Variants in TTLL11 observed in about 807,000 individuals in gnomAD.
TTLL11 encodes the protein tubulin polyglutamylase TTLL11.
TTLL11 carries 42 observed loss-of-function variants against 51.7 expected under a neutral mutation model. The observed-to-expected ratio is 0.81, with a 90% CI of 0.64 to 1.05. TTLL11 has a LOEUF of 1.05. Ranked by LOEUF, TTLL11 falls within the 50% of genes least tolerant of loss-of-function variation. TTLL11 has a pLI of 0.00. For missense variants in TTLL11, 799 were observed against 940.4 expected, an observed-to-expected ratio of 0.85 and a Z score of 1.97; for synonymous variants, 381 against 383.5, an observed-to-expected ratio of 0.99 and a Z score of 0.08.
chr9:121,913,963 A>G (rs1007734769), intron 6 of TTLL11, among the ~76,000 whole-genome samples: 2 of 152,090 alleles, frequency 1.3e-5, no homozygotes, highest in African/African-American at 4.8e-5. Flanking sequence ...GCCCTTTATC[A>G]CTATCTCGTT....
At chr9:122,016,467 C>T (rs1476254123) in intron 3 of TTLL11, among the ~76,000 whole-genome samples, 4 of 152,140 alleles carry the variant, frequency 2.6e-5, no homozygotes, top group African/African-American at 9.7e-5. Flanking sequence ...ATAGATTTAC[C>T]GGAAGGTTAT....
At chr9:121,937,851 C>T (rs1841292892) in intron 6 of TTLL11, among the ~76,000 whole-genome samples, 1 of 151,196 alleles carries the variant, frequency 6.6e-6, no homozygotes, top group South Asian at 2.1e-4. Flanking sequence ...GGAAATAAAC[C>T]CAGTAAAGCA....
At position 122,092,765 on chromosome 9, in the gene TTLL11, C is replaced by T; in HGVS notation, c.384G>A (p.Pro128=). 1 of 1,538,368 alleles carries T rather than the reference C, an allele frequency of 6.5e-7. No individual in the cohort carries two copies. The highest frequency in any genetic ancestry group is 8.7e-7 in the Non-Finnish European group (1 of 1,147,928). ...HGSGENGSQR[P]VTVDSSKART... ...TGGCCTTGGAGCTGTCCACGGTGAC[C>T]GGCCGCTGGGAGCCGTTCTCGCCGG... The change falls in exon 1 of 9, where the codon CCG becomes CCA. Residue 128 remains proline (P), a synonymous_variant. Transcript: ENST00000321582.
At chr9:121,978,757 T>G (rs1842769061) in intron 4 of TTLL11, among the ~76,000 whole-genome samples, 1 of 152,146 alleles carries the variant, frequency 6.6e-6, no homozygotes, top group Admixed American at 6.5e-5. Context: ...AGCCATTAAT[T>G]ATAAATTTAT....
intron 6 of TTLL11, among the ~76,000 whole-genome samples, chr9:121,910,657 C>T (rs1340327907): frequency 2.0e-5 from 3 of 151,996 alleles, no homozygotes; most frequent in African/African-American, 7.3e-5. Context: ...TCAAGACAAT[C>T]GAAAATGTTT....
intron 6 of TTLL11, among the ~76,000 whole-genome samples, chr9:121,884,088 G>T (rs953268904): frequency 2.0e-5 from 3 of 152,194 alleles, no homozygotes; most frequent in African/African-American, 7.2e-5. Context: ...GATACAAGAT[G>T]GCTTAAAAAT....
chr9:122,021,229 C>T (rs1844168399), intron 3 of TTLL11, among the ~76,000 whole-genome samples: 1 of 143,308 alleles, frequency 7.0e-6, no homozygotes, highest in African/African-American at 2.8e-5. Context: ...GAGAAAGATT[C>T]CAGGCTGCAG....
intron 1 of TTLL11, among the ~76,000 whole-genome samples, chr9:122,051,895 G>A (rs1295364084): frequency 1.3e-5 from 2 of 151,998 alleles, no homozygotes; most frequent in Non-Finnish European, 2.9e-5. Flanking sequence ...GAGAGACCTC[G>A]AGACCAAATT....
chr9:121,953,652 A>AAAG (rs1264097003), intron 6 of TTLL11, among the ~76,000 whole-genome samples: 16 of 73,972 alleles, frequency 2.2e-4, no homozygotes, highest in South Asian at 5.3e-4. Context: ...AAAAAAAAAA[A>AAAG]AAGAAGAAGA....
chr9:122,090,834 C>G (rs938222942), intron 1 of TTLL11, among the ~76,000 whole-genome samples: 1 of 152,104 alleles, frequency 6.6e-6, no homozygotes, highest in African/African-American at 2.4e-5. Flanking sequence ...ATACCAAGGG[C>G]TGGAGATTGA....
chr9:121,953,396 G>C (rs533615863), intron 6 of TTLL11, among the ~76,000 whole-genome samples: 2 of 152,198 alleles, frequency 1.3e-5, no homozygotes, highest in South Asian at 4.1e-4. Context: ...ACATTGGGTG[G>C]CTGAGGCGGG....
At chr9:122,007,315 T>A (rs1044448216) in intron 3 of TTLL11, among the ~76,000 whole-genome samples, 5 of 151,696 alleles carry the variant, frequency 3.3e-5, no homozygotes, top group African/African-American at 1.2e-4. Context: ...AAAATGACCC[T>A]GTCTCTACTA....
chr9:121,896,500 C>T (rs1839530985), intron 6 of TTLL11, among the ~76,000 whole-genome samples: 1 of 152,222 alleles, frequency 6.6e-6, no homozygotes, highest in Non-Finnish European at 1.5e-5. Flanking sequence ...CCTACCTCTT[C>T]CCTCTCATGT....
intron 7 of TTLL11, among the ~76,000 whole-genome samples, chr9:121,866,319 C>T (rs185060672): frequency 6.6e-6 from 1 of 152,148 alleles, no homozygotes; most frequent in Non-Finnish European, 1.5e-5. Flanking sequence ...CAGAGAATAT[C>T]ATCTTTTATG....
rs548834845 is a variant in TTLL11 at position 122,039,450 on chromosome 9, G to A, written c.463-82C>T. 54 of 1,064,216 alleles carry A rather than the reference G, an allele frequency of 5.1e-5. No homozygotes were observed. The African/African-American group carries it at 7.8e-4, about 15-fold the overall frequency. 65.9% of individuals were successfully genotyped at this position (1,064,216 alleles called of 1,614,324 possible). ...AGTATCCATTATGTACAAATTCCTG[G>A]CACCCTGGTGTACTTACCATGGTTT... On this transcript the variant is annotated intron_variant, in intron 1 of 8. Transcript: ENST00000321582.
At chr9:121,826,396 T>C (rs1836774162) in intron 8 of TTLL11, among the ~76,000 whole-genome samples, 1 of 137,884 alleles carries the variant, frequency 7.3e-6, no homozygotes, top group Admixed American at 7.4e-5. Context: ...TGTATATATA[T>C]ATGGGTTTAT....
intron 2 of TTLL11, 129 bp from the exon 3 acceptor site, chr9:122,031,985 T>G: frequency 2.3e-6 from 3 of 1,288,230 alleles, no homozygotes; most frequent in Non-Finnish European, 3.1e-6. Flanking sequence ...TTAAAAAAGG[T>G]CTGAGTTGTT....
chr9:121,975,412 G>A (rs1343072293), intron 4 of TTLL11, among the ~76,000 whole-genome samples: 2 of 152,166 alleles, frequency 1.3e-5, no homozygotes, highest in East Asian at 1.9e-4. Flanking sequence ...TAAGGACCCC[G>A]TTCAAAACCA....
At chr9:121,947,109 C>T (rs1370452124) in intron 6 of TTLL11, among the ~76,000 whole-genome samples, 1 of 152,120 alleles carries the variant, frequency 6.6e-6, no homozygotes, top group East Asian at 1.9e-4. Context: ...GTCTAACAAC[C>T]ACGTCCTTTC....
Sources: gnomAD v4.1 joint callset for allele counts (sites outside exome capture counted in the v4.1 genomes callset) on GRCh38, gnomAD v4.1.1 for gene constraint, MANE v1.5 for transcripts, NCBI Gene and HGNC (gene_info 2026-07-23, HGNC 2026-07-21) for gene names.